P2RY14: variants seen among roughly 807,000 people sequenced by gnomAD.
P2RY14 encodes P2Y purinoceptor 14.
Under a neutral mutation model 0.9 loss-of-function variants are expected in P2RY14, and 2 were observed. That is an observed-to-expected ratio of 2.16 (90% confidence interval 0.88 to 6.79). P2RY14 has a LOEUF of 6.79. Among genes scored for constraint, P2RY14 ranks in the 30% most tolerant of loss-of-function variants. The probability of loss-of-function intolerance (pLI) is 0.05; values close to 1 mark genes in which losing one functional copy is unlikely to be tolerated. For missense variants in P2RY14, 378 were observed against 400.1 expected, an observed-to-expected ratio of 0.94 and a Z score of 0.47; for synonymous variants, 158 against 147.2, an observed-to-expected ratio of 1.07 and a Z score of -0.53.
At chr3:151,264,610 A>C (rs1739488000) in intron 1 of P2RY14, among the ~76,000 whole-genome samples, 1 of 152,192 alleles carries the variant, frequency 6.6e-6, no homozygotes, top group African/African-American at 2.4e-5. Flanking sequence ...TTGCAGTTTA[A>C]TTTGTGTATT....
At chr3:151,242,328 GACAA>G (rs1234241572) in intron 1 of P2RY14, among the ~76,000 whole-genome samples, 4 of 152,254 alleles carry the variant, frequency 2.6e-5, no homozygotes, top group Non-Finnish European at 4.4e-5. Context: ...GCAGGGCACA[GACAA>G]ACAAAAAGAC....
Position 151,213,083 on chromosome 3 carries a change from G to T in P2RY14, c.*217C>A. The stretch of plus-strand genomic sequence containing the variant: ...TATGTATTAATTTTTTATTAATAGA[G>T]AATAGAAAGGTCAGTATTAGAGAAA... On this transcript the variant is annotated 3_prime_UTR_variant, in exon 3 of 3. Coordinates refer to ENST00000309170, the MANE Select transcript of P2RY14 (RefSeq NM_014879.4). 1 of 351,984 alleles carries T rather than the reference G, an allele frequency of 2.8e-6. No homozygotes were observed. The highest frequency in any genetic ancestry group is 4.3e-5 in the Admixed American group (1 of 23,330). 21.8% of individuals were successfully genotyped at this position (351,984 alleles called of 1,614,324 possible). A position where few individuals can be genotyped will look rare whatever the true frequency, so the allele number is the denominator to read the frequency against.
At chr3:151,229,378 G>A (rs1244331924) in intron 1 of P2RY14, among the ~76,000 whole-genome samples, 1 of 141,766 alleles carries the variant, frequency 7.1e-6, no homozygotes, top group South Asian at 2.2e-4. Flanking sequence ...CGTGATCTCC[G>A]CTCACTGCAA....
chr3:151,260,164 A>G lies in P2RY14; in HGVS notation c.-133+18123T>C, dbSNP rs149858993. ...TTCAGTTGTGGAAAGAATGAGGGCT[A>G]GTAAACTTAATGGACACGGTGTTTA... is the stretch of plus-strand genomic sequence containing the variant. On this transcript the variant is annotated intron_variant, in intron 1 of 2. Coordinates refer to ENST00000309170, the MANE Select transcript of P2RY14 (RefSeq NM_014879.4). 1.2e-3 allele frequency among the ~76,000 whole-genome samples: 187 copies of G among 152,340 alleles called. 2 individuals are homozygous for G. In the East Asian group the frequency reaches 0.033, roughly 27 times the overall value.
intron 1 of P2RY14, among the ~76,000 whole-genome samples, chr3:151,265,860 G>T (rs1418400552): frequency 1.3e-5 from 2 of 152,110 alleles, no homozygotes; most frequent in Non-Finnish European, 2.9e-5. Flanking sequence ...AGGGTCTCTT[G>T]GTCCTTTTCA....
chr3:151,274,723 A>C (rs992091147), intron 1 of P2RY14, among the ~76,000 whole-genome samples: 2 of 152,222 alleles, frequency 1.3e-5, no homozygotes, highest in Non-Finnish European at 2.9e-5. Context: ...TATAAGTTAT[A>C]ATATGTCCAA....
chr3:151,270,569 G>A lies in P2RY14; in HGVS notation c.-133+7718C>T, dbSNP rs1028998620. Among the ~76,000 whole-genome samples the A allele has an allele frequency of 4.6e-5, 7 of 152,130 alleles. No homozygotes were observed. The East Asian group carries it at 1.4e-3, about 29-fold the overall frequency. On this transcript the variant is annotated intron_variant, in intron 1 of 2. Coordinates refer to ENST00000309170, the MANE Select transcript of P2RY14 (RefSeq NM_014879.4). ...TATGCTCAGAACACTGTGTCTCTGC[G>A]TGAATATGGATAGTTAGCATTTGCC...
At chr3:151,221,788 A>G (rs76304233) in intron 1 of P2RY14, among the ~76,000 whole-genome samples, 2 of 152,186 alleles carry the variant, frequency 1.3e-5, no homozygotes, top group African/African-American at 4.8e-5. Context: ...GCAGTATAGA[A>G]GGGAAATGTG....
intron 1 of P2RY14, among the ~76,000 whole-genome samples, chr3:151,263,914 C>A (rs543700196): frequency 6.6e-6 from 1 of 152,282 alleles, no homozygotes; most frequent in Admixed American, 6.5e-5. Context: ...GTGGCACAGC[C>A]TTCAGTTAAT....
At chr3:151,257,794 C>A (rs1577148032) in intron 1 of P2RY14, among the ~76,000 whole-genome samples, 1 of 152,102 alleles carries the variant, frequency 6.6e-6, no homozygotes, top group Non-Finnish European at 1.5e-5. Flanking sequence ...ACATTTTAGA[C>A]CACCTTTTGT....
chr3:151,213,100 T>A lies in P2RY14; in HGVS notation c.*200A>T, dbSNP rs1175450854. On this transcript the variant is annotated 3_prime_UTR_variant, in exon 3 of 3. Transcript: ENST00000309170. ...TTAATAGAGAATAGAAAGGTCAGTA[T>A]TAGAGAAATTACTGATGGGTATGTT... The A allele has an allele frequency of 4.4e-6, 2 of 452,134 alleles. No individual in the cohort carries two copies. Among genetic ancestry groups the A allele is most frequent in the East Asian group, 7.3e-5 (2 of 27,352 alleles). The allele number at this position is 452,134 out of a possible 1,614,324, so 28.0% of individuals were successfully genotyped here. A position where few individuals can be genotyped will look rare whatever the true frequency, so the allele number is the denominator to read the frequency against.
intron 1 of P2RY14, among the ~76,000 whole-genome samples, chr3:151,246,406 C>G (rs1409993582): frequency 2.0e-5 from 3 of 152,062 alleles, no homozygotes; most frequent in Admixed American, 6.5e-5. Flanking sequence ...CAGCATGGTA[C>G]TGGTACCAAA....
chr3:151,246,441 G>A (rs913825131), intron 1 of P2RY14, among the ~76,000 whole-genome samples: 1 of 151,934 alleles, frequency 6.6e-6, no homozygotes, highest in Non-Finnish European at 1.5e-5. Context: ...CAATGGAACA[G>A]AACAGAGCCC....
intron 1 of P2RY14, among the ~76,000 whole-genome samples, chr3:151,240,088 G>A (rs1248396630): frequency 1.3e-5 from 2 of 151,392 alleles, no homozygotes; most frequent in African/African-American, 2.4e-5. Flanking sequence ...GGGTCTCACA[G>A]CCCCTGACCT....
chr3:151,247,361 G>C (rs575510628), intron 1 of P2RY14, among the ~76,000 whole-genome samples: 17 of 152,134 alleles, frequency 1.1e-4, no homozygotes, highest in Admixed American at 2.6e-4. Context: ...TTGGAACCAA[G>C]CCAAATGTCC....
rs77165983 is a variant in P2RY14, at chr3:151,277,838, T to C, written c.-133+449A>G. Among the ~76,000 whole-genome samples the C allele has an allele frequency of 7.9e-5, 12 of 152,364 alleles. No individual in the cohort carries two copies. The East Asian group carries it at 2.3e-3, about 29-fold the overall frequency. Reference sequence around the variant, plus strand: ...ATAAAAACTTTTACCTATATAAGTGTATGTACAAGTAAATGCAACTATATA... The same window carrying C: ...ATAAAAACTTTTACCTATATAAGTGCATGTACAAGTAAATGCAACTATATA... On this transcript the variant is annotated intron_variant, in intron 1 of 2. Transcript: ENST00000309170.
chr3:151,269,429 AC>A (rs1740457394), intron 1 of P2RY14: 3 of 220,774 alleles, frequency 1.4e-5, no homozygotes, highest in Admixed American at 5.8e-5. Context: ...ACACACACAC[AC>A]ACACACACAC....
At chr3:151,229,840 A>G (rs1056434426) in intron 1 of P2RY14, among the ~76,000 whole-genome samples, 2 of 152,202 alleles carry the variant, frequency 1.3e-5, no homozygotes, top group African/African-American at 4.8e-5. Flanking sequence ...ATTAGTTGCA[A>G]ACTTAGTAGG....
intron 1 of P2RY14, among the ~76,000 whole-genome samples, chr3:151,271,978 T>C (rs1741035961): frequency 6.6e-6 from 1 of 152,222 alleles, no homozygotes; most frequent in Non-Finnish European, 1.5e-5. Context: ...CTAATTTTCA[T>C]TTATTGTATG....
Sources: allele counts gnomAD v4.1 joint callset (sites outside exome capture counted in the v4.1 genomes callset), GRCh38; gene constraint gnomAD v4.1.1; transcripts MANE v1.5; gene names NCBI Gene and HGNC (gene_info 2026-07-23, HGNC 2026-07-21).